The following RIMS1 variants were observed in gnomAD, a reference collection of about 807,000 sequenced individuals.
RIMS1 encodes regulating synaptic membrane exocytosis 1, also known as regulating synaptic membrane exocytosis protein 1.
RIMS1 carries 83 observed loss-of-function variants against 214.1 expected under a neutral mutation model. That is an observed-to-expected ratio of 0.39 (90% CI 0.32 to 0.47). The LOEUF is 0.47. Among genes scored for constraint, RIMS1 ranks in the 20% least tolerant of loss-of-function variants. The probability of loss-of-function intolerance (pLI) is 0.99; values close to 1 mark genes in which losing one functional copy is unlikely to be tolerated. For synonymous variants in RIMS1, 793 were observed against 786.8 expected (o/e 1.01, Z -0.13); for missense variants, 2,050 against 2,161.8 (o/e 0.95, Z 1.03).
chr6:72,091,690 A>G (rs1290237096), intron 2 of RIMS1, among the ~76,000 whole-genome samples: 1 of 152,158 alleles, frequency 6.6e-6, no homozygotes, highest in Admixed American at 6.5e-5. Flanking sequence ...ATTATTATAT[A>G]GTGAAACAAT....
At chr6:72,380,683 G>A (rs896495707) in intron 29 of RIMS1, among the ~76,000 whole-genome samples, 10 of 152,090 alleles carry the variant, frequency 6.6e-5, no homozygotes, top group East Asian at 1.9e-4. Flanking sequence ...CAGTATACTC[G>A]TGTAATACTT....
chr6:72,335,530 C>A (rs1263371436), intron 29 of RIMS1, among the ~76,000 whole-genome samples: 1 of 152,028 alleles, frequency 6.6e-6, no homozygotes, highest in Non-Finnish European at 1.5e-5. Context: ...TTGGAATAAA[C>A]ATACATGTGC....
chr6:72,168,721 G>GTT (rs5877314), intron 4 of RIMS1, among the ~76,000 whole-genome samples: 7 of 101,162 alleles, frequency 6.9e-5, no homozygotes, highest in African/African-American at 1.2e-4. Context: ...TAGTTTCAGG[G>GTT]TTTTTTTTTT....
At chr6:72,166,300 GTTTT>G (rs148899087) in intron 4 of RIMS1, among the ~76,000 whole-genome samples, 2 of 143,240 alleles carry the variant, frequency 1.4e-5, no homozygotes, top group Admixed American at 7.0e-5. Context: ...CTTGGTGTCT[GTTTT>G]TTTTTTTTTT....
chr6:71,933,730 A>C lies in RIMS1; in HGVS notation c.165-35253A>C, dbSNP rs1156404435. 4.1e-5 allele frequency among the ~76,000 whole-genome samples: 6 copies of C among 145,028 alleles called. No homozygotes were observed. In the East Asian group the frequency reaches 1.2e-3, roughly 29 times the overall value. On this transcript the variant is annotated intron_variant, in intron 1 of 33. Transcript: ENST00000521978. ...CACACACACACACAAGTTGTATTAA[A>C]ATACAATATGAAATTAGCTTCAAAA...
intron 29 of RIMS1, among the ~76,000 whole-genome samples, chr6:72,390,140 A>G (rs917145312): frequency 2.0e-5 from 3 of 152,236 alleles, no homozygotes; most frequent in African/African-American, 7.2e-5. Flanking sequence ...ACGTGACAGT[A>G]AAACTGTGGT....
intron 26 of RIMS1, among the ~76,000 whole-genome samples, chr6:72,292,737 A>G (rs1376394417): frequency 1.3e-5 from 2 of 152,158 alleles, no homozygotes; most frequent in Non-Finnish European, 2.9e-5. Flanking sequence ...ATATCTTAGT[A>G]GATGACATGA....
rs372359850 is a variant in RIMS1, at chr6:71,953,400, A to G, written c.165-15583A>G. Among the ~76,000 whole-genome samples the G allele has an allele frequency of 1.1e-4, 17 of 152,342 alleles. No homozygotes were observed. In the East Asian group the frequency reaches 3.3e-3, roughly 29 times the overall value. ...GGTGGGAAATAAATACACCTTGGCT[A>G]CTGTGAGTTTAAAGCAAATGGCATA... On this transcript the variant is annotated intron_variant, in intron 1 of 33. Coordinates refer to ENST00000521978, the MANE Select transcript of RIMS1 (RefSeq NM_014989.7).
At chr6:72,172,980 G>A (rs1429395523) in intron 4 of RIMS1, among the ~76,000 whole-genome samples, 2 of 152,008 alleles carry the variant, frequency 1.3e-5, no homozygotes, top group Non-Finnish European at 2.9e-5. Flanking sequence ...TTTGCTTCCT[G>A]GATTCCCTCT....
intron 9 of RIMS1, among the ~76,000 whole-genome samples, chr6:72,241,410 G>A (rs977350375): frequency 1.3e-5 from 2 of 152,100 alleles, no homozygotes; most frequent in African/African-American, 2.4e-5. Context: ...GCAGAGAACC[G>A]TTTGGTACCT....
intron 2 of RIMS1, among the ~76,000 whole-genome samples, chr6:72,059,608 T>G (rs1236602197): frequency 6.6e-6 from 1 of 152,226 alleles, no homozygotes; most frequent in Non-Finnish European, 1.5e-5. Flanking sequence ...TTCAATTTAT[T>G]GATTGATTAA....
At chr6:72,386,701 G>A (rs1163725328) in intron 29 of RIMS1, among the ~76,000 whole-genome samples, 1 of 149,832 alleles carries the variant, frequency 6.7e-6, no homozygotes, top group African/African-American at 2.5e-5. Flanking sequence ...TTCCCTATCA[G>A]CGATATTGTA....
intron 2 of RIMS1, among the ~76,000 whole-genome samples, chr6:72,025,704 C>T (rs962217642): frequency 6.6e-6 from 1 of 152,140 alleles, no homozygotes; most frequent in Non-Finnish European, 1.5e-5. Flanking sequence ...GTAGTGTCTC[C>T]CAACAACTAT....
chr6:72,228,394 A>G (rs1426992081), intron 6 of RIMS1, among the ~76,000 whole-genome samples: 1 of 151,842 alleles, frequency 6.6e-6, no homozygotes, highest in Admixed American at 6.6e-5. Context: ...ATATAATACT[A>G]CTTATACTCC....
intron 2 of RIMS1, among the ~76,000 whole-genome samples, chr6:72,021,948 C>T (rs574329264): frequency 5.3e-5 from 8 of 152,118 alleles, no homozygotes; most frequent in Non-Finnish European, 1.2e-4. Context: ...GGCCCATGGC[C>T]ATCCATACCT....
intron 2 of RIMS1, among the ~76,000 whole-genome samples, chr6:71,992,282 TG>T (rs1325530353): frequency 6.6e-6 from 1 of 152,102 alleles, no homozygotes; most frequent in Non-Finnish European, 1.5e-5. Flanking sequence ...TCCACTGCAG[TG>T]GAATCATTGG....
chr6:72,365,046 T>C (rs2097945556), intron 29 of RIMS1, among the ~76,000 whole-genome samples: 1 of 152,232 alleles, frequency 6.6e-6, no homozygotes, highest in Non-Finnish European at 1.5e-5. Context: ...TCTGCTCCCG[T>C]AGTTTTCTAC....
At chr6:72,113,854 G>C (rs563766691) in intron 4 of RIMS1, among the ~76,000 whole-genome samples, 1 of 152,036 alleles carries the variant, frequency 6.6e-6, no homozygotes, top group Non-Finnish European at 1.5e-5. Flanking sequence ...TTCTCAATTA[G>C]TGGTTAGTCC....
chr6:72,068,003 A>G (rs2152285354), intron 2 of RIMS1, among the ~76,000 whole-genome samples: 1 of 152,302 alleles, frequency 6.6e-6, no homozygotes, highest in East Asian at 1.9e-4. Flanking sequence ...GCTTGACCCA[A>G]ACTGTTCAGG....
Sources: allele counts gnomAD v4.1 joint callset (sites outside exome capture counted in the v4.1 genomes callset), GRCh38; gene constraint gnomAD v4.1.1; transcripts MANE v1.5; gene names NCBI Gene and HGNC (gene_info 2026-07-23, HGNC 2026-07-21).